FAM53B: variants seen among roughly 807,000 people sequenced by gnomAD.
FAM53B encodes the protein family with sequence similarity 53 member B.
Under a neutral mutation model 32.7 loss-of-function variants are expected in FAM53B, and 12 were observed. The ratio of observed to expected loss-of-function variants is 0.37; its 90% CI spans 0.24 to 0.59. FAM53B has a LOEUF of 0.59. FAM53B is among the 20% of genes least tolerant of loss of function. FAM53B has a pLI of 0.72. For synonymous variants in FAM53B, 234 were observed against 228.7 expected (o/e 1.02, Z -0.21); for missense variants, 477 against 577.7 (o/e 0.83, Z 1.79).
At chr10:124,717,187 G>A (rs938578062) in intron 1 of FAM53B, among the ~76,000 whole-genome samples, 2 of 152,106 alleles carry the variant, frequency 1.3e-5, no homozygotes, top group Admixed American at 6.5e-5. Context: ...TTCCCTCCTC[G>A]GAGCCTCAGT....
Position 124,696,212 on chromosome 10 carries a change from G to C in FAM53B, c.79C>G (p.His27Asp). ...IACGTFSREL[H>D]TPKKMSQGPT... ...CCTTGACTCATCTTCTTTGGCGTGT[G>C]CTGAAAACAACCAGAAAAGCTATTC... The change falls in exon 3 of 5, where the codon CAC (histidine) becomes GAC (aspartate). Residue 27 changes from histidine to aspartate, a missense_variant and splice_region_variant. Transcript: ENST00000337318. 1.9e-6 allele frequency: 3 copies of C among 1,613,508 alleles called. No homozygotes were observed. The highest frequency in any genetic ancestry group is 2.5e-6 in the Non-Finnish European group (3 of 1,179,542).
At chr10:124,655,233 C>A (rs1227512250) in intron 4 of FAM53B, among the ~76,000 whole-genome samples, 1 of 152,160 alleles carries the variant, frequency 6.6e-6, no homozygotes, top group Non-Finnish European at 1.5e-5. Flanking sequence ...ATTCTCATCT[C>A]CCATCTCCCC....
At chr10:124,693,250 T>C (rs995816481) in intron 3 of FAM53B, among the ~76,000 whole-genome samples, 14 of 151,802 alleles carry the variant, frequency 9.2e-5, no homozygotes, top group African/African-American at 3.4e-4. Flanking sequence ...GGCAGGCGGA[T>C]CACGAGGTCA....
At chr10:124,638,204 C>CA (rs996754820) in intron 4 of FAM53B, among the ~76,000 whole-genome samples, 4 of 152,036 alleles carry the variant, frequency 2.6e-5, no homozygotes, top group Admixed American at 1.3e-4. Context: ...CCCGTCTCTA[C>CA]AAAAAACACA....
chr10:124,668,583 G>A (rs1448076975), intron 4 of FAM53B, among the ~76,000 whole-genome samples: 5 of 152,264 alleles, frequency 3.3e-5, no homozygotes, highest in Non-Finnish European at 7.3e-5. Context: ...TCCACAAGGG[G>A]ACACAAGGTA....
chr10:124,664,716 G>A (rs912747032), intron 4 of FAM53B, among the ~76,000 whole-genome samples: 4 of 152,218 alleles, frequency 2.6e-5, no homozygotes, highest in African/African-American at 7.2e-5. Flanking sequence ...GGATAGTCCC[G>A]TATTCCAAAA....
chr10:124,706,574 C>G, intron 2 of FAM53B, 62 bp downstream of exon 2: 1 of 1,607,236 alleles, frequency 6.2e-7, no homozygotes, highest in Non-Finnish European at 8.5e-7. Context: ...AGTCCACAGC[C>G]CTGTCTGTAC....
At chr10:124,689,656 G>A (rs984715257) in intron 3 of FAM53B, among the ~76,000 whole-genome samples, 10 of 152,262 alleles carry the variant, frequency 6.6e-5, no homozygotes, top group Non-Finnish European at 1.3e-4. Flanking sequence ...TGACAAAGAA[G>A]CTACTAAGGA....
At chr10:124,668,096 G>A (rs544333348) in intron 4 of FAM53B, among the ~76,000 whole-genome samples, 69 of 152,334 alleles carry the variant, frequency 4.5e-4, no homozygotes, top group African/African-American at 1.3e-3. Context: ...AGCAGATGCC[G>A]GCATGCATAT....
chr10:124,709,912 A>G (rs1216550107), intron 1 of FAM53B, among the ~76,000 whole-genome samples: 1 of 152,120 alleles, frequency 6.6e-6, no homozygotes, highest in Non-Finnish European at 1.5e-5. Flanking sequence ...AGGGAATGAC[A>G]GTTCCGGAGA....
chr10:124,660,795 G>A (rs1221932029), intron 4 of FAM53B, among the ~76,000 whole-genome samples: 2 of 152,194 alleles, frequency 1.3e-5, no homozygotes, highest in Non-Finnish European at 2.9e-5. Flanking sequence ...TGTTCTGTAA[G>A]CTATCGGGCT....
At position 124,700,137 on chromosome 10, in the gene FAM53B, G is replaced by A. The variant is rs181156105; in HGVS notation, c.79-3925C>T. The stretch of plus-strand genomic sequence containing the variant: ...GTACTGACAGCTTTCCAGGGTGCCA[G>A]GCCCCAGTGTACCCTGACCGCTGGC... On this transcript the variant is annotated intron_variant, in intron 2 of 4. Coordinates refer to ENST00000337318, the MANE Select transcript of FAM53B (RefSeq NM_014661.4). Among the ~76,000 whole-genome samples the A allele has an allele frequency of 4.6e-5, 7 of 152,342 alleles. No individual in the cohort carries two copies. The East Asian group carries it at 1.2e-3, about 25-fold the overall frequency.
intron 4 of FAM53B, among the ~76,000 whole-genome samples, chr10:124,632,958 A>C (rs1949401090): frequency 6.6e-6 from 1 of 152,160 alleles, no homozygotes; most frequent in Non-Finnish European, 1.5e-5. Flanking sequence ...TCTGTGCCTC[A>C]GTTTCTCATG....
At chr10:124,711,160 C>A (rs140143933) in intron 1 of FAM53B, among the ~76,000 whole-genome samples, 12 of 152,284 alleles carry the variant, frequency 7.9e-5, no homozygotes, top group African/African-American at 2.9e-4. Flanking sequence ...CAGAGACACA[C>A]GCCACAACCT....
At chr10:124,721,265 GTC>G (rs1950067037) in intron 1 of FAM53B, among the ~76,000 whole-genome samples, 1 of 152,248 alleles carries the variant, frequency 6.6e-6, no homozygotes, top group South Asian at 2.1e-4. Flanking sequence ...TCACCCTGCA[GTC>G]TCTCCCTCCC....
chr10:124,626,379 G>A (rs895317504), intron 4 of FAM53B, among the ~76,000 whole-genome samples: 6 of 128,072 alleles, frequency 4.7e-5, no homozygotes, highest in Non-Finnish European at 9.5e-5. Flanking sequence ...TGCTACGGTC[G>A]AAATTTGTGC....
At chr10:124,653,074 G>A (rs1021770518) in intron 4 of FAM53B, among the ~76,000 whole-genome samples, 2 of 152,186 alleles carry the variant, frequency 1.3e-5, no homozygotes, top group Non-Finnish European at 1.5e-5. Context: ...ACCAGGTCCC[G>A]GAGGGCTCTG....
chr10:124,658,228 G>A (rs1288237335), intron 4 of FAM53B, among the ~76,000 whole-genome samples: 7 of 152,202 alleles, frequency 4.6e-5, no homozygotes, highest in African/African-American at 1.7e-4. Flanking sequence ...TTGGGGATAG[G>A]GATCCCGCTT....
intron 4 of FAM53B, among the ~76,000 whole-genome samples, chr10:124,634,079 T>A (rs945167594): frequency 2.6e-5 from 4 of 152,210 alleles, no homozygotes; most frequent in Non-Finnish European, 5.9e-5. Context: ...TGAAAACATA[T>A]GTCTATGTAG....
Sources: allele counts gnomAD v4.1 joint callset (sites outside exome capture counted in the v4.1 genomes callset), GRCh38; gene constraint gnomAD v4.1.1; transcripts MANE v1.5; gene names NCBI Gene and HGNC (gene_info 2026-07-23, HGNC 2026-07-21).